ACTL8: variants seen among roughly 807,000 people sequenced by gnomAD.
ACTL8 encodes actin like 8, also known as actin-like protein 8.
ACTL8 carries 3 observed loss-of-function variants against 9.3 expected under a neutral mutation model. The observed-to-expected ratio is 0.32, with a 90% CI of 0.15 to 0.83. The LOEUF (loss-of-function observed/expected upper bound fraction) is 0.83. Ranked by LOEUF, ACTL8 falls within the 40% of genes least tolerant of loss-of-function variation. The pLI is 0.57. For synonymous variants in ACTL8, 224 were observed against 205.9 expected, an observed-to-expected ratio of 1.09 and a Z score of -0.75; for missense variants, 381 against 492.2, an observed-to-expected ratio of 0.77 and a Z score of 2.14.
intron 1 of ACTL8, among the ~76,000 whole-genome samples, chr1:17,803,129 G>A (rs999839981): frequency 6.6e-6 from 1 of 152,122 alleles, no homozygotes; most frequent in Admixed American, 6.6e-5. Flanking sequence ...CACGGAGGCG[G>A]TTACCCCCAT....
chr1:17,767,463 A>G lies in ACTL8; in HGVS notation c.-25+11959A>G, dbSNP rs1432502618. The stretch of plus-strand genomic sequence containing the variant: ...ATCGCTCTCTTCCCTTTCCTCCCGG[A>G]CTGACGTCTGCACATCCTTCTCTCC... On this transcript the variant is annotated intron_variant, in intron 1 of 2. Coordinates refer to ENST00000375406, the MANE Select transcript of ACTL8 (RefSeq NM_030812.3). This position sits in a 1 kb window ranked among gnomAD's most constrained non-coding sequence, Gnocchi z 4.7. Among the ~76,000 whole-genome samples the G allele has an allele frequency of 6.6e-6, 1 of 152,022 alleles. No individual in the cohort carries two copies. The highest frequency in any genetic ancestry group is 1.5e-5 in the Non-Finnish European group (1 of 68,000).
At chr1:17,810,203 C>T (rs1255819376) in intron 1 of ACTL8, among the ~76,000 whole-genome samples, 1 of 152,194 alleles carries the variant, frequency 6.6e-6, no homozygotes, top group African/African-American at 2.4e-5. Context: ...CCTTTCTTTT[C>T]CTAAAAGCTT....
chr1:17,825,760 G>T lies in ACTL8; in HGVS notation c.349-7G>T. 1 of 1,607,654 alleles carries T rather than the reference G, an allele frequency of 6.2e-7. No homozygotes were observed. On this transcript the variant is annotated splice_polypyrimidine_tract_variant and splice_region_variant and intron_variant, in intron 2 of 2. Coordinates refer to ENST00000375406, the MANE Select transcript of ACTL8 (RefSeq NM_030812.3). ...AAATGCACTGAGTGAATTCTCCCTC[G>T]TTGCAGATCCTGTTTGAGTTGCTGC... is the stretch of plus-strand genomic sequence containing the variant.
At chr1:17,790,962 T>G (rs1475425697) in intron 1 of ACTL8, among the ~76,000 whole-genome samples, 1 of 151,862 alleles carries the variant, frequency 6.6e-6, no homozygotes, top group East Asian at 1.9e-4. Flanking sequence ...GCTCTGAGAT[T>G]GGAGCAGATG....
chr1:17,760,203 A>G (rs986127617), intron 1 of ACTL8, among the ~76,000 whole-genome samples: 14 of 152,110 alleles, frequency 9.2e-5, no homozygotes, highest in African/African-American at 2.9e-4. Flanking sequence ...AGGGCTTTCA[A>G]TTTGTCTAGA....
Position 17,826,451 on chromosome 1 carries a change from G to T in ACTL8, c.1033G>T (p.Ala345Ser). Residue 345 changes from alanine (A) to serine (S), a missense_variant, in exon 3 of 3, where the codon GCT becomes TCT. Physicochemically the swap from Ala to Ser is moderately conservative, Grantham distance 99. Transcript: ENST00000375406. This position sits in a 1 kb window ranked among gnomAD's most constrained non-coding sequence, Gnocchi z 4.5. ...TGTCTGGCTAGGAGCGTCCGTGGTG[G>T]CTCACCTTTCTACCTACCAGTCTGA... ...FSVWLGASVVAHLSTYQSEWM... is the reference protein window; with the variant it reads ...FSVWLGASVVSHLSTYQSEWM... The T allele has an allele frequency of 1.2e-6, 2 of 1,612,860 alleles. No individual in the cohort carries two copies. The highest frequency in any genetic ancestry group is 2.2e-5 in the South Asian group (2 of 90,830).
chr1:17,807,844 G>T (rs961812608), intron 1 of ACTL8, among the ~76,000 whole-genome samples: 16 of 151,994 alleles, frequency 1.1e-4, no homozygotes, highest in Admixed American at 6.6e-4. Flanking sequence ...GGGCCTGTGG[G>T]GGGTGGGGAG....
At chr1:17,788,247 A>T (rs1384003892) in intron 1 of ACTL8, among the ~76,000 whole-genome samples, 2 of 152,084 alleles carry the variant, frequency 1.3e-5, no homozygotes, top group African/African-American at 2.4e-5. Context: ...TAGTCAGTTT[A>T]AAAAAAATCT....
intron 1 of ACTL8, among the ~76,000 whole-genome samples, chr1:17,806,441 G>A (rs1023147939): frequency 2.0e-5 from 3 of 152,282 alleles, no homozygotes; most frequent in Non-Finnish European, 2.9e-5. Context: ...CCCTGAACCC[G>A]GTTGCTCTTT....
intron 1 of ACTL8, among the ~76,000 whole-genome samples, chr1:17,809,237 C>T (rs777218518): frequency 2.0e-5 from 3 of 152,080 alleles, no homozygotes; most frequent in Admixed American, 6.5e-5. Flanking sequence ...CCAGCAAACA[C>T]ACAGCATAAT....
intron 1 of ACTL8, among the ~76,000 whole-genome samples, chr1:17,795,651 AG>A (rs1252464424): frequency 6.6e-6 from 1 of 152,194 alleles, no homozygotes; most frequent in African/African-American, 2.4e-5. Flanking sequence ...GGCTCCAATC[AG>A]GGAGGCAGTA....
intron 1 of ACTL8, among the ~76,000 whole-genome samples, chr1:17,803,646 A>C (rs2066339107): frequency 6.6e-6 from 1 of 152,150 alleles, no homozygotes. Flanking sequence ...ATATGTCCTT[A>C]TTTAGCAGCA....
intron 1 of ACTL8, among the ~76,000 whole-genome samples, chr1:17,789,073 G>A (rs1166552688): frequency 2.6e-5 from 4 of 152,226 alleles, no homozygotes; most frequent in African/African-American, 9.6e-5. Context: ...GTATTTTTGT[G>A]TGTGTTTAAT....
chr1:17,761,922 G>A (rs1032744995), intron 1 of ACTL8, among the ~76,000 whole-genome samples: 3 of 152,074 alleles, frequency 2.0e-5, no homozygotes, highest in African/African-American at 7.2e-5. Flanking sequence ...TAGGGAAGGA[G>A]ATCACATCGT....
chr1:17,757,971 C>G (rs76442629), intron 1 of ACTL8, among the ~76,000 whole-genome samples: 11 of 152,134 alleles, frequency 7.2e-5, no homozygotes, highest in Non-Finnish European at 1.6e-4. Context: ...TTGGGGAGAC[C>G]GCAATGTTGG....
intron 1 of ACTL8, among the ~76,000 whole-genome samples, chr1:17,777,932 T>A (rs914252751): frequency 2.0e-5 from 3 of 152,196 alleles, no homozygotes; most frequent in African/African-American, 7.2e-5. Context: ...TCCTCACTTC[T>A]GGTGATCCTC....
Position 17,756,290 on chromosome 1 carries a change from A to G in ACTL8, c.-25+786A>G, listed in dbSNP as rs7535923. 1.1e-4 allele frequency among the ~76,000 whole-genome samples: 17 copies of G among 150,266 alleles called. No individual in the cohort carries two copies. The East Asian group carries it at 3.4e-3, about 30-fold the overall frequency. ...CTAGTGGGGGACTTATCTTTGGGGAACCTATGAAAGCCCCCAGGGGCTCTT... is the reference window on the plus strand; with the variant it reads ...CTAGTGGGGGACTTATCTTTGGGGAGCCTATGAAAGCCCCCAGGGGCTCTT... On this transcript the variant is annotated intron_variant, in intron 1 of 2. Transcript: ENST00000375406.
At chr1:17,805,604 C>T (rs1398734234) in intron 1 of ACTL8, among the ~76,000 whole-genome samples, 1 of 152,066 alleles carries the variant, frequency 6.6e-6, no homozygotes, top group Non-Finnish European at 1.5e-5. Context: ...TGGTCTCAAA[C>T]TCCTGACCTT....
chr1:17,806,219 G>A (rs1206926343), intron 1 of ACTL8, among the ~76,000 whole-genome samples: 1 of 152,160 alleles, frequency 6.6e-6, no homozygotes, highest in Non-Finnish European at 1.5e-5. Flanking sequence ...AGAACGACTG[G>A]TTAGTTTTAC....
Sources: gnomAD v4.1 joint callset for allele counts (sites outside exome capture counted in the v4.1 genomes callset) on GRCh38, gnomAD v4.1.1 for gene constraint, Gnocchi (gnomAD v3.1) non-coding constraint, MANE v1.5 for transcripts, NCBI Gene and HGNC (gene_info 2026-07-23, HGNC 2026-07-21) for gene names.